The following EZH1 variants were observed in gnomAD, a reference collection of about 807,000 sequenced individuals.
EZH1 encodes histone-lysine N-methyltransferase EZH1.
Under a neutral mutation model 100.5 loss-of-function variants are expected in EZH1, and 33 were observed. That is an observed-to-expected ratio of 0.33 (90% CI 0.25 to 0.44). The LOEUF (loss-of-function observed/expected upper bound fraction) is 0.44, where lower values mean the gene tolerates loss of function less well. EZH1 is among the 20% of genes least tolerant of loss of function. EZH1 has a pLI of 1.00. For missense variants in EZH1, 475 were observed against 928.4 expected (o/e 0.51, Z 6.35); for synonymous variants, 272 against 313.8 (o/e 0.87, Z 1.41).
intron 11 of EZH1, 37 bp from the exon 12 acceptor site, chr17:42,712,522 A>G (rs745372016): frequency 9.4e-6 from 15 of 1,588,576 alleles, no homozygotes; most frequent in Non-Finnish European, 1.3e-5. Flanking sequence ...AGAAGAAGGT[A>G]GAATGCAGTT....
At chr17:42,708,140 C>G in intron 14 of EZH1, 57 bp from the exon 15 acceptor site, 1 of 1,528,738 alleles carries the variant, frequency 6.5e-7, no homozygotes, top group Non-Finnish European at 8.8e-7. Context: ...GCTGTCTTCC[C>G]TCCCAAGTGT....
chr17:42,742,381 T>G (rs1218583893), intron 1 of EZH1, among the ~76,000 whole-genome samples: 1 of 152,118 alleles, frequency 6.6e-6, no homozygotes, highest in Admixed American at 6.6e-5. Context: ...CGACCTCAGG[T>G]GATCCAACAG....
intron 1 of EZH1, among the ~76,000 whole-genome samples, chr17:42,740,390 C>A (rs752592653): frequency 1.3e-5 from 2 of 152,164 alleles, no homozygotes; most frequent in Non-Finnish European, 2.9e-5. Context: ...CAGGTGCAAG[C>A]CACCACGCCC....
At chr17:42,735,948 G>A (rs1482876422) in intron 1 of EZH1, among the ~76,000 whole-genome samples, 2 of 151,952 alleles carry the variant, frequency 1.3e-5, no homozygotes, top group African/African-American at 4.8e-5. Context: ...TCGTGCCACT[G>A]CACTCCAACC....
intron 18 of EZH1, 87 bp from the exon 19 acceptor site, chr17:42,703,907 A>T: frequency 1.1e-6 from 1 of 947,482 alleles, no homozygotes; most frequent in Non-Finnish European, 1.7e-6. Context: ...TTAAATGGTA[A>T]CAGAAACACT....
rs116637131 is a variant in EZH1 at position 42,734,558 on chromosome 17, C to T, written c.-102-3640G>A. 3.4e-3 allele frequency among the ~76,000 whole-genome samples: 515 copies of T among 151,648 alleles called. 2 individuals carry two copies. Among genetic ancestry groups the T allele is most frequent in the African/African-American group, 0.012 (496 of 41,294 alleles). On this transcript the variant is annotated intron_variant, in intron 1 of 20. Transcript: ENST00000428826. Reference sequence around the variant, plus strand: ...CTGTGCCTGCAGTCAGTCCCAGCTACTCAGGAGGCTGAGTTGGGAGAATCA... The same window carrying T: ...CTGTGCCTGCAGTCAGTCCCAGCTATTCAGGAGGCTGAGTTGGGAGAATCA...
At chr17:42,707,010 G>A (rs2053367622) in intron 15 of EZH1, among the ~76,000 whole-genome samples, 2 of 152,182 alleles carry the variant, frequency 1.3e-5, no homozygotes, top group South Asian at 4.1e-4. Flanking sequence ...GCAAGCTGTG[G>A]GGACTGCCAT....
chr17:42,711,173 T>TAA (rs917638629), intron 12 of EZH1, among the ~76,000 whole-genome samples: 23 of 150,376 alleles, frequency 1.5e-4, no homozygotes, highest in African/African-American at 5.6e-4. Context: ...CCATCTCTAC[T>TAA]AAAAAAAAAT....
At chr17:42,731,111 T>C (rs1294374899) in intron 1 of EZH1, among the ~76,000 whole-genome samples, 193 bp from the exon 2 acceptor site, 1 of 152,042 alleles carries the variant, frequency 6.6e-6, no homozygotes, top group Non-Finnish European at 1.5e-5. Flanking sequence ...TAAATTCTAT[T>C]TTTTCATAAT....
chr17:42,705,884 A>T, intron 16 of EZH1, 123 bp downstream of exon 16: 1 of 1,039,596 alleles, frequency 9.6e-7, no homozygotes, highest in Non-Finnish European at 1.3e-6. Context: ...TGTGTCTTTT[A>T]GGATTTATCA....
intron 17 of EZH1, 36 bp from the exon 18 acceptor site, chr17:42,704,719 G>C: frequency 1.3e-6 from 2 of 1,572,236 alleles, no homozygotes. Context: ...AGGAGTATCA[G>C]GCTGCCTGCT....
chr17:42,715,284 A>ATT (rs1475943754), intron 10 of EZH1, among the ~76,000 whole-genome samples: 10 of 144,936 alleles, frequency 6.9e-5, no homozygotes, highest in African/African-American at 2.5e-4. Flanking sequence ...ATATATATAT[A>ATT]TTTTTTTGAG....
At chr17:42,715,789 T>C (rs938798766) in intron 10 of EZH1, among the ~76,000 whole-genome samples, 2 of 152,172 alleles carry the variant, frequency 1.3e-5, no homozygotes, top group African/African-American at 4.8e-5. Flanking sequence ...TTATTACACC[T>C]GTAATCCCAG....
At chr17:42,725,449 CTT>C (rs1159484000) in intron 4 of EZH1, among the ~76,000 whole-genome samples, 2 of 143,086 alleles carry the variant, frequency 1.4e-5, no homozygotes, top group Admixed American at 7.0e-5. Context: ...GCTAATTTTT[CTT>C]TTTTTTTTTT....
At chr17:42,736,505 G>A (rs1371278528) in intron 1 of EZH1, among the ~76,000 whole-genome samples, 4 of 152,160 alleles carry the variant, frequency 2.6e-5, no homozygotes, top group Non-Finnish European at 5.9e-5. Flanking sequence ...GCCATGAATA[G>A]TTTCTATACA....
chr17:42,714,976 TATAA>T (rs924565739), intron 10 of EZH1, among the ~76,000 whole-genome samples: 5 of 139,324 alleles, frequency 3.6e-5, no homozygotes, highest in African/African-American at 5.3e-5. Context: ...ATGAAATTTA[TATAA>T]ATATATTTAT....
chr17:42,723,311 G>A (rs2143808720), intron 5 of EZH1, among the ~76,000 whole-genome samples: 1 of 151,556 alleles, frequency 6.6e-6, no homozygotes, highest in South Asian at 2.1e-4. Context: ...GGAGGCAGAG[G>A]TTGCAGTAAG....
rs1044026246 is a variant in EZH1, at chr17:42,706,869, T to G, written c.1661-684A>C. On this transcript the variant is annotated intron_variant, in intron 15 of 20. Transcript: ENST00000428826. The surrounding 1 kb of genome is among the most constrained non-coding windows in gnomAD (Gnocchi z 4.4). ...AGTATCATTTTGAGAACAGAATGCA[T>G]CCGTTCTATGCCATCCTTCTCCACC... Among the ~76,000 whole-genome samples the G allele has an allele frequency of 6.6e-6, 1 of 152,156 alleles. No homozygotes were observed. The highest frequency in any genetic ancestry group is 1.5e-5 in the Non-Finnish European group (1 of 68,022).
chr17:42,731,123 C>CT (rs922511756), intron 1 of EZH1, among the ~76,000 whole-genome samples: 39 of 145,386 alleles, frequency 2.7e-4, no homozygotes, highest in African/African-American at 5.8e-4. Flanking sequence ...TTTCATAATG[C>CT]TTTTTTTTTT....
Sources: allele counts gnomAD v4.1 joint callset (sites outside exome capture counted in the v4.1 genomes callset), GRCh38; gene constraint gnomAD v4.1.1; non-coding constraint Gnocchi (gnomAD v3.1); transcripts MANE v1.5; gene names NCBI Gene and HGNC (gene_info 2026-07-23, HGNC 2026-07-21).